PKD2L1: variants seen among roughly 807,000 people sequenced by gnomAD.
The protein encoded by PKD2L1 is polycystin-2-like protein 1.
PKD2L1 carries 77 observed loss-of-function variants against 93.0 expected under a neutral mutation model. The observed-to-expected ratio is 0.83, with a 90% confidence interval of 0.69 to 1.00. PKD2L1 has a LOEUF of 1.00. Ranked by LOEUF, PKD2L1 falls within the 50% of genes least tolerant of loss-of-function variation. PKD2L1 has a pLI of 0.00. For missense variants in PKD2L1, 977 were observed against 990.9 expected (o/e 0.99, Z 0.19); for synonymous variants, 390 against 388.0 (o/e 1.01, Z -0.06).
intron 2 of PKD2L1, among the ~76,000 whole-genome samples, chr10:100,308,641 T>G (rs1024578769): frequency 6.6e-6 from 1 of 152,192 alleles, no homozygotes; most frequent in Non-Finnish European, 1.5e-5. Context: ...GGCCCCAGAA[T>G]GGTGTTAAAT....
chr10:100,289,069 G>A lies in PKD2L1; in HGVS notation c.2251-13C>T, dbSNP rs1340271322. 1 of 1,588,490 alleles carries A rather than the reference G, an allele frequency of 6.3e-7. No homozygotes were observed. The highest frequency in any genetic ancestry group is 1.1e-5 in the South Asian group (1 of 90,066). Reference sequence around the variant, plus strand: ...TAGCTTGTTCCTTCTGTTGGAAGAAGAAAGGGACAAATCATTTGAAGAAAT... The same window carrying A: ...TAGCTTGTTCCTTCTGTTGGAAGAAAAAAGGGACAAATCATTTGAAGAAAT... On this transcript the variant is annotated splice_polypyrimidine_tract_variant and intron_variant, in intron 14 of 15. Coordinates refer to ENST00000318222, the MANE Select transcript of PKD2L1 (RefSeq NM_016112.3).
At chr10:100,322,356 G>A (rs565863864) in intron 2 of PKD2L1, among the ~76,000 whole-genome samples, 76 of 152,196 alleles carry the variant, frequency 5.0e-4, no homozygotes, top group African/African-American at 1.6e-3. Flanking sequence ...GTGAAACCCC[G>A]TCTCTACTAA....
At chr10:100,314,896 G>A (rs1404613917) in intron 2 of PKD2L1, among the ~76,000 whole-genome samples, 4 of 149,832 alleles carry the variant, frequency 2.7e-5, no homozygotes, top group East Asian at 3.9e-4. Context: ...TTAGCCAGGC[G>A]TGTTGGTGTG....
At chr10:100,288,592 T>C in intron 15 of PKD2L1, 114 bp from the exon 16 acceptor site, 1 of 710,546 alleles carries the variant, frequency 1.4e-6, no homozygotes, top group Non-Finnish European at 2.5e-6. Flanking sequence ...GCCTACTCTC[T>C]TGGTTTCTAC....
intron 8 of PKD2L1, 37 bp from the exon 9 acceptor site, chr10:100,294,692 C>T: frequency 6.2e-7 from 1 of 1,613,342 alleles, no homozygotes; most frequent in Non-Finnish European, 8.5e-7. Flanking sequence ...CAGAGCCTAA[C>T]AAACACCCCC....
rs374332482 is a variant in PKD2L1, at chr10:100,329,202, G to A, written c.349+9C>T. 6.2e-7 allele frequency: 1 copy of A among 1,613,320 alleles called. No individual in the cohort carries two copies. Among genetic ancestry groups the A allele is most frequent in the African/African-American group, 1.3e-5 (1 of 74,904 alleles). On this transcript the variant is annotated intron_variant, in intron 2 of 15. Coordinates refer to ENST00000318222, the MANE Select transcript of PKD2L1 (RefSeq NM_016112.3). Reference sequence around the variant, plus strand: ...CAGACAGATGTACACAAACACAGATGCTACTCACGTAGACAGATGTCCACC... The same window carrying A: ...CAGACAGATGTACACAAACACAGATACTACTCACGTAGACAGATGTCCACC...
At position 100,294,547 on chromosome 10, in the gene PKD2L1, GA is replaced by G. The variant is rs764617793; in HGVS notation, c.1646del (p.Phe549SerfsTer5). 5 of 1,614,002 alleles carry G rather than the reference GA, an allele frequency of 3.1e-6. No homozygotes were observed. Among genetic ancestry groups the G allele is most frequent in the Non-Finnish European group, 4.2e-6 (5 of 1,179,972 alleles). On this transcript the variant is annotated frameshift_variant, in exon 9 of 16. Transcript: ENST00000318222. LOFTEE classifies it high-confidence loss of function. ...AYFVTYVFFV[F>X]FVLLNMFLAI... ...GAGAGACCCTCACCAGGAGCACGAAGAAGACGAAGAAGACATAGGTGACAAA... is the reference window on the plus strand; with the variant it reads ...GAGAGACCCTCACCAGGAGCACGAAGAGACGAAGAAGACATAGGTGACAAA...
chr10:100,310,590 G>A (rs920930566), intron 2 of PKD2L1, among the ~76,000 whole-genome samples: 1 of 152,068 alleles, frequency 6.6e-6, no homozygotes, highest in Non-Finnish European at 1.5e-5. Flanking sequence ...ATACATGTGT[G>A]TGCAGGCACA....
chr10:100,311,541 A>G (rs981782565), intron 2 of PKD2L1, among the ~76,000 whole-genome samples: 1 of 152,172 alleles, frequency 6.6e-6, no homozygotes, highest in Non-Finnish European at 1.5e-5. Flanking sequence ...TTTCTTTTGA[A>G]CTGCTGGAAG....
intron 11 of PKD2L1, 103 bp from the exon 12 acceptor site, chr10:100,291,530 C>A: frequency 7.9e-7 from 1 of 1,269,162 alleles, no homozygotes; most frequent in East Asian, 2.4e-5. Context: ...AGTTTTGCTT[C>A]TGGTAAAGAA....
At chr10:100,298,253 C>T (rs1848596213) in intron 4 of PKD2L1, among the ~76,000 whole-genome samples, 1 of 152,170 alleles carries the variant, frequency 6.6e-6, no homozygotes, top group Non-Finnish European at 1.5e-5. Flanking sequence ...CCCTAACCAA[C>T]TTCTAGGCAA....
chr10:100,327,036 T>G (rs1849395027), intron 2 of PKD2L1, among the ~76,000 whole-genome samples: 1 of 152,168 alleles, frequency 6.6e-6, no homozygotes, highest in Non-Finnish European at 1.5e-5. Context: ...AGTAGTTGGC[T>G]TAATAGAAGA....
intron 2 of PKD2L1, among the ~76,000 whole-genome samples, chr10:100,313,526 T>C (rs1848979292): frequency 6.6e-6 from 1 of 152,224 alleles, no homozygotes; most frequent in South Asian, 2.1e-4. Context: ...TCCTGGCTTT[T>C]ACCTGTAATT....
intron 2 of PKD2L1, among the ~76,000 whole-genome samples, chr10:100,301,454 G>GC (rs55870246): frequency 0.34 from 49,164 of 146,028 alleles, 8,891 homozygotes; most frequent in Admixed American, 0.44. Flanking sequence ...CATTTTAGAG[G>GC]CCCCCCCCCC....
chr10:100,299,429 C>A (rs1178380996), intron 3 of PKD2L1, among the ~76,000 whole-genome samples, 162 bp downstream of exon 3: 1 of 152,202 alleles, frequency 6.6e-6, no homozygotes, highest in Non-Finnish European at 1.5e-5. Context: ...TACCCACCTC[C>A]ACCTGAACTC....
At chr10:100,324,665 T>C (rs957869412) in intron 2 of PKD2L1, among the ~76,000 whole-genome samples, 1 of 152,264 alleles carries the variant, frequency 6.6e-6, no homozygotes, top group Non-Finnish European at 1.5e-5. Flanking sequence ...TGGTTCTTTA[T>C]GCATGTTATC....
Position 100,329,850 on chromosome 10 carries a change from C to T in PKD2L1, c.235+19G>A, listed in dbSNP as rs199609495. The stretch of plus-strand genomic sequence containing the variant: ...TCCTGATTCTAATATCCCAGGAGAA[C>T]TGTCCCCCTATCTGGTACCTCTGAT... On this transcript the variant is annotated intron_variant, in intron 1 of 15. Transcript: ENST00000318222. The T allele has an allele frequency of 1.1e-4, 160 of 1,510,922 alleles. No individual in the cohort carries two copies. The highest frequency in any genetic ancestry group is 1.4e-4 in the Non-Finnish European group (154 of 1,095,982). The allele number at this position is 1,510,922 out of a possible 1,614,324, so 93.6% of individuals were successfully genotyped here. A position where few individuals can be genotyped will look rare whatever the true frequency, so the allele number is the denominator to read the frequency against.
intron 2 of PKD2L1, among the ~76,000 whole-genome samples, chr10:100,320,752 T>A (rs1322746650): frequency 6.6e-6 from 1 of 152,242 alleles, no homozygotes; most frequent in Admixed American, 6.5e-5. Flanking sequence ...AAATTATGAA[T>A]GAGAACATCC....
chr10:100,297,251 G>A, intron 5 of PKD2L1, 43 bp from the exon 6 acceptor site: 2 of 1,582,926 alleles, frequency 1.3e-6, no homozygotes, highest in Non-Finnish European at 1.7e-6. Flanking sequence ...AGCCTTCGCT[G>A]GGACGGCTCC....
Sources: allele counts gnomAD v4.1 joint callset (sites outside exome capture counted in the v4.1 genomes callset), GRCh38; gene constraint gnomAD v4.1.1; transcripts MANE v1.5; gene names NCBI Gene and HGNC (gene_info 2026-07-23, HGNC 2026-07-21).